UNC45B: variants seen among roughly 807,000 people sequenced by gnomAD.
UNC45B encodes the protein unc-45 myosin chaperone B.
UNC45B carries 78 observed loss-of-function variants against 98.7 expected under a neutral mutation model. The observed-to-expected ratio is 0.79, with a 90% confidence interval of 0.66 to 0.95. UNC45B has a LOEUF of 0.95. UNC45B is among the 40% of genes least tolerant of loss of function. The pLI is 0.00. For synonymous variants in UNC45B, 462 were observed against 480.4 expected (o/e 0.96, Z 0.50); for missense variants, 1,225 against 1,184.9 (o/e 1.03, Z -0.50).
At chr17:35,173,333 C>T (rs1180303001) in intron 13 of UNC45B, among the ~76,000 whole-genome samples, 1 of 151,934 alleles carries the variant, frequency 6.6e-6, no homozygotes, top group Non-Finnish European at 1.5e-5. Flanking sequence ...GCCATGTTGC[C>T]CAGGCTGGTC....
chr17:35,189,340 G>A lies in UNC45B; in HGVS notation c.*2781G>A, dbSNP rs1430862221. 1 of 152,078 alleles carries A rather than the reference G, an allele frequency of 6.6e-6. No individual in the cohort carries two copies. The highest frequency in any genetic ancestry group is 1.5e-5 in the Non-Finnish European group (1 of 68,022). 9.4% of individuals were successfully genotyped at this position (152,078 alleles called of 1,614,324 possible). On this transcript the variant is annotated 3_prime_UTR_variant, in exon 20 of 20. Transcript: ENST00000394570. ...AAATAATAAAGAATTTCTGTTCCTA[G>A]TAAGAGTAACTTGTGGCAAAACAAT...
At chr17:35,156,115 T>C (rs1386444065) in intron 7 of UNC45B, among the ~76,000 whole-genome samples, 1 of 152,154 alleles carries the variant, frequency 6.6e-6, no homozygotes, top group Non-Finnish European at 1.5e-5. Flanking sequence ...AAATACTGCA[T>C]GAATCCACTC....
At chr17:35,154,437 A>G in intron 5 of UNC45B, 137 bp from the exon 6 acceptor site, 1 of 757,730 alleles carries the variant, frequency 1.3e-6, no homozygotes, top group Non-Finnish European at 2.0e-6. Context: ...TTCCAGGAGG[A>G]GGATTACCAA....
At chr17:35,170,340 C>T in intron 12 of UNC45B, 85 bp downstream of exon 12, 1 of 1,425,588 alleles carries the variant, frequency 7.0e-7, no homozygotes, top group Non-Finnish European at 9.3e-7. Flanking sequence ...TCCCAGTCTT[C>T]CTCCTGGCTC....
At chr17:35,180,289 A>AGAGAGAGAGAG (rs57021893) in intron 17 of UNC45B, among the ~76,000 whole-genome samples, 52 of 147,260 alleles carry the variant, frequency 3.5e-4, no homozygotes, top group East Asian at 1.4e-3. Context: ...AGAGAGAGAG[A>AGAGAGAGAGAG]ATTTCTTTAC....
In UNC45B at chr17:35,180,565, G is replaced by A. The variant is rs779217805; in HGVS notation, c.2262G>A (p.Lys754=). Residue 754 remains lysine (K), a synonymous_variant, in exon 18 of 20, where the codon AAG becomes AAA. Coordinates refer to ENST00000394570, the MANE Select transcript of UNC45B (RefSeq NM_001267052.2). ...LSGRSDKLRQ[K]IFKERALPDI... ...CTCCACCCTCCTACCCTAGGCAGAAGATCTTTAAGGAGAGGGCCTTGCCAG... is the reference window on the plus strand; with the variant it reads ...CTCCACCCTCCTACCCTAGGCAGAAAATCTTTAAGGAGAGGGCCTTGCCAG... 2 of 1,613,798 alleles carry A rather than the reference G, an allele frequency of 1.2e-6. No homozygotes were observed. Among genetic ancestry groups the A allele is most frequent in the Non-Finnish European group, 1.7e-6 (2 of 1,179,802 alleles).
rs2092285220 is a variant in UNC45B at position 35,183,429 on chromosome 17, A to G, written c.2376A>G (p.Val792=). ...CMCNMVLHKE[V]QERFLADGND... Reference sequence around the variant, plus strand: ...AGCCATGTTCCTGCCTCCCACAGGTACAGGAAAGGTTCTTGGCTGACGGGA... The same window carrying G: ...AGCCATGTTCCTGCCTCCCACAGGTGCAGGAAAGGTTCTTGGCTGACGGGA... Residue 792 remains valine (V), a splice_region_variant and synonymous_variant, in exon 19 of 20, where the codon GTA becomes GTG. Coordinates refer to ENST00000394570, the MANE Select transcript of UNC45B (RefSeq NM_001267052.2). The G allele has an allele frequency of 3.2e-6, 5 of 1,569,772 alleles. No homozygotes were observed. Among genetic ancestry groups the G allele is most frequent in the Non-Finnish European group, 3.5e-6 (4 of 1,158,004 alleles).
At chr17:35,181,274 GTCT>G (rs774341406) in intron 18 of UNC45B, among the ~76,000 whole-genome samples, 79 of 152,320 alleles carry the variant, frequency 5.2e-4, no homozygotes, top group Non-Finnish European at 4.6e-4. Context: ...TCTGGTGAAT[GTCT>G]TCTTCTCCCC....
In UNC45B at chr17:35,169,733, G is replaced by C. The variant is rs149609640; in HGVS notation, c.1453-104G>C. ...AGAGGTGGATCCAAGCAAAGAAAGA[G>C]GGGCGAAGTGTTCTGGCCATAGAAA... On this transcript the variant is annotated intron_variant, in intron 10 of 19. Coordinates refer to ENST00000394570, the MANE Select transcript of UNC45B (RefSeq NM_001267052.2). 6.0e-4 allele frequency: 570 copies of C among 949,574 alleles called. 6 individuals carry two copies. In the African/African-American group the frequency reaches 8.6e-3, roughly 14 times the overall value. The allele number at this position is 949,574 out of a possible 1,614,324, so 58.8% of individuals were successfully genotyped here.
chr17:35,160,699 A>G (rs1456698965), intron 8 of UNC45B, among the ~76,000 whole-genome samples: 1 of 152,164 alleles, frequency 6.6e-6, no homozygotes. Context: ...CGGCCTCCCA[A>G]AGTGCTGGAA....
chr17:35,186,828 A>G lies in UNC45B; in HGVS notation c.*269A>G. 1 of 361,110 alleles carries G rather than the reference A, an allele frequency of 2.8e-6. No homozygotes were observed. Among genetic ancestry groups the G allele is most frequent in the Non-Finnish European group, 5.1e-6 (1 of 196,578 alleles). The allele number at this position is 361,110 out of a possible 1,614,324, so 22.4% of individuals were successfully genotyped here. On this transcript the variant is annotated 3_prime_UTR_variant, in exon 20 of 20. Coordinates refer to ENST00000394570, the MANE Select transcript of UNC45B (RefSeq NM_001267052.2). Reference sequence around the variant, plus strand: ...GAATAATTTTCACCCATGATTAGAAATAGGTTGGATCATTCTTTCTGTACC... The same window carrying G: ...GAATAATTTTCACCCATGATTAGAAGTAGGTTGGATCATTCTTTCTGTACC...
At chr17:35,185,612 G>A (rs767674207) in intron 19 of UNC45B, among the ~76,000 whole-genome samples, 1 of 151,916 alleles carries the variant, frequency 6.6e-6, no homozygotes, top group Admixed American at 6.6e-5. Context: ...GGCCTGGGTT[G>A]GTGTCTTAAA....
intron 18 of UNC45B, among the ~76,000 whole-genome samples, chr17:35,181,161 A>G (rs887841040): frequency 2.6e-5 from 4 of 152,258 alleles, no homozygotes; most frequent in Middle Eastern, 3.2e-3. Flanking sequence ...GCAATGCAAT[A>G]TAACTGTACT....
intron 8 of UNC45B, 133 bp downstream of exon 8, chr17:35,159,678 GC>G: frequency 9.6e-7 from 1 of 1,044,488 alleles, no homozygotes; most frequent in Non-Finnish European, 1.3e-6. Flanking sequence ...AAAGGCATTG[GC>G]CCATCAGGAT....
chr17:35,185,518 G>A (rs1210789724), intron 19 of UNC45B, among the ~76,000 whole-genome samples: 1 of 152,000 alleles, frequency 6.6e-6, no homozygotes, highest in Non-Finnish European at 1.5e-5. Flanking sequence ...ATGTTGGCCA[G>A]GCTGGTCTCA....
intron 8 of UNC45B, among the ~76,000 whole-genome samples, chr17:35,162,090 T>C (rs1187456904): frequency 6.6e-6 from 1 of 152,184 alleles, no homozygotes; most frequent in Non-Finnish European, 1.5e-5. Flanking sequence ...GTTGTTGTTG[T>C]TTAAATAATA....
chr17:35,159,607 A>T lies in UNC45B; in HGVS notation c.979+62A>T, dbSNP rs1351949931. The T allele has an allele frequency of 3.2e-6, 5 of 1,559,422 alleles. No individual in the cohort carries two copies. The Admixed American group carries it at 7.1e-5, about 22-fold the overall frequency. Reference sequence around the variant, plus strand: ...TTTTAAGTGGGCACCAGGGCACTGAACAGAAAATGGAAGATGTGAGGCTCT... The same window carrying T: ...TTTTAAGTGGGCACCAGGGCACTGATCAGAAAATGGAAGATGTGAGGCTCT... On this transcript the variant is annotated intron_variant, in intron 8 of 19. Coordinates refer to ENST00000394570, the MANE Select transcript of UNC45B (RefSeq NM_001267052.2).
At chr17:35,183,233 C>T (rs1204823160) in intron 18 of UNC45B, among the ~76,000 whole-genome samples, 194 bp from the exon 19 acceptor site, 3 of 150,394 alleles carry the variant, frequency 2.0e-5, no homozygotes, top group Non-Finnish European at 4.4e-5. Context: ...TCCTTATTTT[C>T]TTTACTTGGA....
chr17:35,171,385 G>C lies in UNC45B; in HGVS notation c.1753G>C (p.Asp585His), dbSNP rs1333078878. ...TTLVNCTNSY[D>H]VKEVIPELVQ... The stretch of plus-strand genomic sequence containing the variant: ...CCTGGTGAACTGCACCAACAGCTAC[G>C]ATGTCAAGGAGGTCATCCCAGAGCT... The change falls in exon 13 of 20, where the codon GAT (aspartate) becomes CAT (histidine). Residue 585 changes from aspartate to histidine, a missense_variant. Physicochemically the swap from Asp to His is moderately conservative, Grantham distance 81. Transcript: ENST00000394570. 3 of 1,614,186 alleles carry C rather than the reference G, an allele frequency of 1.9e-6. No individual in the cohort carries two copies. The highest frequency in any genetic ancestry group is 3.3e-5 in the Admixed American group (2 of 60,020).
Sources: allele counts gnomAD v4.1 joint callset (sites outside exome capture counted in the v4.1 genomes callset), GRCh38; gene constraint gnomAD v4.1.1; transcripts MANE v1.5; gene names NCBI Gene and HGNC (gene_info 2026-07-23, HGNC 2026-07-21).